Variants in AGBL1 observed in about 807,000 individuals in gnomAD.
AGBL1 encodes AGBL carboxypeptidase 1.
In AGBL1, 130 loss-of-function variants were observed where a neutral mutation model predicts 118.9. The ratio of observed to expected loss-of-function variants is 1.09; its 90% CI spans 0.95 to 1.26. AGBL1 has a LOEUF of 1.26. Among genes scored for constraint, AGBL1 ranks in the 50% most tolerant of loss-of-function variants. AGBL1 has a pLI of 0.00. For synonymous variants in AGBL1, 555 were observed against 478.9 expected (o/e 1.16, Z -2.08); for missense variants, 1,584 against 1,298.1 (o/e 1.22, Z -3.38).
chr15:86,799,633 C>T (rs1329304987), intron 22 of AGBL1, among the ~76,000 whole-genome samples: 1 of 152,048 alleles, frequency 6.6e-6, no homozygotes, highest in African/African-American at 2.4e-5. Flanking sequence ...CCCGCATCTC[C>T]AGAAAGTTGG....
intron 21 of AGBL1, among the ~76,000 whole-genome samples, chr15:86,645,722 G>A (rs1161185125): frequency 6.6e-6 from 1 of 152,190 alleles, no homozygotes; most frequent in Non-Finnish European, 1.5e-5. Flanking sequence ...AAATGTCAAG[G>A]AGGTCAAGTA....
chr15:86,438,330 C>G (rs1278096044), intron 18 of AGBL1, among the ~76,000 whole-genome samples: 1 of 152,148 alleles, frequency 6.6e-6, no homozygotes, highest in Non-Finnish European at 1.5e-5. Flanking sequence ...TTTTTATTAT[C>G]TCATTATCTC....
intron 17 of AGBL1, among the ~76,000 whole-genome samples, chr15:86,386,669 C>T (rs2081200481): frequency 6.6e-6 from 1 of 152,040 alleles, no homozygotes; most frequent in Non-Finnish European, 1.5e-5. Context: ...GATGATTCCA[C>T]TCCTCCTCTT....
chr15:86,824,149 G>T (rs190899048), intron 22 of AGBL1, among the ~76,000 whole-genome samples: 75 of 152,048 alleles, frequency 4.9e-4, no homozygotes, highest in African/African-American at 1.7e-3. Flanking sequence ...CTCCCTATTT[G>T]CACATAAGAT....
At chr15:86,633,828 ATAATG>A (rs1351454952) in intron 21 of AGBL1, among the ~76,000 whole-genome samples, 8 of 9,442 alleles carry the variant, frequency 8.5e-4, no homozygotes, top group African/African-American at 2.0e-3. Context: ...GTATATATAT[ATAATG>A]TATATATATA....
At chr15:86,554,605 G>A (rs187386979) in intron 21 of AGBL1, 68 bp downstream of exon 21, 2 of 1,343,236 alleles carry the variant, frequency 1.5e-6, no homozygotes, top group African/African-American at 1.5e-5. Flanking sequence ...TAGACAGCTC[G>A]TACCTGCTTT....
At chr15:86,923,318 C>T (rs1414230647) in intron 23 of AGBL1, among the ~76,000 whole-genome samples, 1 of 152,206 alleles carries the variant, frequency 6.6e-6, no homozygotes, top group Non-Finnish European at 1.5e-5. Context: ...TACAATTTAG[C>T]TCACCTCTGC....
intron 23 of AGBL1, among the ~76,000 whole-genome samples, chr15:86,981,962 A>G (rs1324483632): frequency 6.6e-6 from 1 of 152,214 alleles, no homozygotes; most frequent in Non-Finnish European, 1.5e-5. Context: ...TTTGCTTCCT[A>G]TAATTACTTT....
At chr15:86,931,666 G>A (rs142387026) in intron 23 of AGBL1, among the ~76,000 whole-genome samples, 218 of 151,734 alleles carry the variant, frequency 1.4e-3, no homozygotes, top group Admixed American at 5.1e-3. Flanking sequence ...CATTTGATAC[G>A]TTTCTGAAAT....
intron 5 of AGBL1, among the ~76,000 whole-genome samples, chr15:86,183,706 T>A (rs2141802895): frequency 6.6e-6 from 1 of 152,304 alleles, no homozygotes; most frequent in African/African-American, 2.4e-5. Context: ...ATCATAGTAA[T>A]CCTCATCACA....
Position 86,953,244 on chromosome 15 carries a change from T to G in AGBL1, c.3222-34743T>G, listed in dbSNP as rs558050859. The stretch of plus-strand genomic sequence containing the variant: ...ATAGGAACAGTGTTAAATCTATAAA[T>G]TGCTTTGGGCAGTATGGCCATTTTA... On this transcript the variant is annotated intron_variant, in intron 23 of 24. Coordinates refer to the AGBL1 transcript ENST00000441037. Among the ~76,000 whole-genome samples the G allele has an allele frequency of 4.6e-5, 7 of 152,274 alleles. No homozygotes were observed. In the South Asian group the frequency reaches 8.3e-4, roughly 18 times the overall value.
At chr15:86,677,789 T>C (rs941131986) in intron 22 of AGBL1, among the ~76,000 whole-genome samples, 1 of 152,108 alleles carries the variant, frequency 6.6e-6, no homozygotes, top group African/African-American at 2.4e-5. Context: ...GAATAAAAAT[T>C]CTACATAGAT....
chr15:86,778,921 G>T (rs1016990651), intron 22 of AGBL1, among the ~76,000 whole-genome samples: 1 of 152,108 alleles, frequency 6.6e-6, no homozygotes, highest in African/African-American at 2.4e-5. Context: ...AAAGACAGGC[G>T]TAAGAAATTA....
At position 86,908,054 on chromosome 15, in the gene AGBL1, A is replaced by G. The variant is rs1345022942; in HGVS notation, c.*760A>G. 2 of 152,202 alleles carry G rather than the reference A, an allele frequency of 1.3e-5. No homozygotes were observed. The highest frequency in any genetic ancestry group is 2.9e-5 in the Non-Finnish European group (2 of 68,048). The allele number at this position is 152,202 out of a possible 1,614,324, so 9.4% of individuals were successfully genotyped here. ...TTTCAGAATCTGACAGATATGGTTC[A>G]TATGCTAGATCTGGCAGTTGCTTGT... On this transcript the variant is annotated 3_prime_UTR_variant, in exon 23 of 23. Transcript: ENST00000614907.
chr15:86,380,337 G>C (rs57028295), intron 17 of AGBL1, among the ~76,000 whole-genome samples: 1 of 146,976 alleles, frequency 6.8e-6, no homozygotes, highest in South Asian at 2.2e-4. Flanking sequence ...CAGGCTGGAG[G>C]ACAGTGGTGC....
intron 22 of AGBL1, among the ~76,000 whole-genome samples, chr15:86,732,097 G>A (rs781374090): frequency 1.3e-5 from 2 of 152,178 alleles, no homozygotes; most frequent in Non-Finnish European, 2.9e-5. Context: ...GGCACAGCAA[G>A]ATTAATTGCC....
At chr15:86,184,262 G>T (rs1021303761) in intron 5 of AGBL1, among the ~76,000 whole-genome samples, 2 of 152,080 alleles carry the variant, frequency 1.3e-5, no homozygotes, top group Non-Finnish European at 2.9e-5. Context: ...TTCTCATTAG[G>T]GTTGCAGTGA....
intron 20 of AGBL1, 96 bp downstream of exon 20, chr15:86,546,229 T>C (rs1366389657): frequency 7.6e-7 from 1 of 1,317,640 alleles, no homozygotes; most frequent in Non-Finnish European, 9.9e-7. Flanking sequence ...TAGTTTTTTT[T>C]TTTTTTTGTA....
intron 19 of AGBL1, among the ~76,000 whole-genome samples, chr15:86,525,207 TACA>T (rs1213661782): frequency 6.6e-6 from 1 of 151,524 alleles, no homozygotes; most frequent in Non-Finnish European, 1.5e-5. Context: ...AAAAGATCAC[TACA>T]ACAAGAACCA....
Sources: allele counts gnomAD v4.1 joint callset (sites outside exome capture counted in the v4.1 genomes callset), GRCh38; gene constraint gnomAD v4.1.1; transcripts MANE v1.5; gene names NCBI Gene and HGNC (gene_info 2026-07-23, HGNC 2026-07-21).